SLC14A2: variants seen among roughly 807,000 people sequenced by gnomAD.
SLC14A2 encodes solute carrier family 14 member 2, also known as urea transporter 2.
SLC14A2 carries 91 observed loss-of-function variants against 104.6 expected under a neutral mutation model. That is an observed-to-expected ratio of 0.87 (90% CI 0.73 to 1.04). The LOEUF (loss-of-function observed/expected upper bound fraction) is 1.04. Ranked by LOEUF, SLC14A2 falls within the 50% of genes least tolerant of loss-of-function variation. The pLI is 0.00. For synonymous variants in SLC14A2, 476 were observed against 466.4 expected (o/e 1.02, Z -0.27); for missense variants, 1,189 against 1,156.0 (o/e 1.03, Z -0.41).
chr18:45,405,669 G>A (rs567758052), intron 1 of SLC14A2, among the ~76,000 whole-genome samples: 19 of 152,234 alleles, frequency 1.2e-4, no homozygotes, highest in South Asian at 6.2e-4. Flanking sequence ...TTGGGAGGCC[G>A]AGGCAGGTGG....
intron 1 of SLC14A2, among the ~76,000 whole-genome samples, chr18:45,624,037 C>A (rs1375076790): frequency 4.6e-5 from 7 of 152,092 alleles, no homozygotes; most frequent in Admixed American, 3.9e-4. Flanking sequence ...GGTACGGGGA[C>A]AGGAGCCCCA....
intron 1 of SLC14A2, among the ~76,000 whole-genome samples, chr18:45,244,338 G>A (rs886817095): frequency 6.6e-6 from 1 of 152,120 alleles, no homozygotes; most frequent in Non-Finnish European, 1.5e-5. Context: ...CGGGGGGAGG[G>A]GGGTGGTGCT....
At chr18:45,231,037 C>T (rs2084169313) in intron 1 of SLC14A2, among the ~76,000 whole-genome samples, 1 of 152,118 alleles carries the variant, frequency 6.6e-6, no homozygotes, top group Non-Finnish European at 1.5e-5. Context: ...TTACATTAGC[C>T]TACCAGCCTC....
chr18:45,539,449 G>A (rs565901043), intron 2 of SLC14A2, among the ~76,000 whole-genome samples: 13 of 152,282 alleles, frequency 8.5e-5, no homozygotes, highest in African/African-American at 2.6e-4. Context: ...GAGTTCAAAG[G>A]TCACTGCCCC....
At chr18:45,200,741 G>C in the SLC14A2 span, among the ~76,000 whole-genome samples, 3 of 152,112 alleles carry the variant, frequency 2.0e-5, no homozygotes, top group African/African-American at 7.2e-5. Context: ...GATGCAATAT[G>C]TAGATTTCTT....
At chr18:45,397,535 G>A (rs2086048438) in intron 1 of SLC14A2, among the ~76,000 whole-genome samples, 1 of 152,084 alleles carries the variant, frequency 6.6e-6, no homozygotes. Flanking sequence ...TAGTAAATTT[G>A]TTTAGTTCCT....
At chr18:45,588,189 G>A (rs1370575486) in intron 2 of SLC14A2, among the ~76,000 whole-genome samples, 2 of 152,154 alleles carry the variant, frequency 1.3e-5, no homozygotes, top group African/African-American at 4.8e-5. Flanking sequence ...TGATCACTAG[G>A]GCTCTCTGAA....
chr18:45,173,522 T>G, the SLC14A2 span, among the ~76,000 whole-genome samples: 1 of 149,626 alleles, frequency 6.7e-6, no homozygotes, highest in South Asian at 2.1e-4. Context: ...TGGATGGAAG[T>G]TGGAAGATGA....
intron 1 of SLC14A2, among the ~76,000 whole-genome samples, chr18:45,278,725 T>A (rs2084730227): frequency 6.6e-6 from 1 of 152,162 alleles, no homozygotes; most frequent in Non-Finnish European, 1.5e-5. Context: ...ACAAATACTA[T>A]ATTTTCAATA....
chr18:45,510,087 G>A (rs1414465398), intron 2 of SLC14A2, among the ~76,000 whole-genome samples: 1 of 152,130 alleles, frequency 6.6e-6, no homozygotes, highest in East Asian at 1.9e-4. Flanking sequence ...CTTCTTTGAT[G>A]GACAACTTCA....
intron 1 of SLC14A2, among the ~76,000 whole-genome samples, chr18:45,393,642 T>C (rs976984935): frequency 1.3e-5 from 2 of 152,012 alleles, no homozygotes; most frequent in Non-Finnish European, 2.9e-5. Flanking sequence ...GCACTAGGAG[T>C]GGACCCAGTT....
intron 1 of SLC14A2, among the ~76,000 whole-genome samples, chr18:45,294,107 C>T (rs916353069): frequency 6.6e-6 from 1 of 152,150 alleles, no homozygotes; most frequent in Non-Finnish European, 1.5e-5. Context: ...GGTGAGTTAT[C>T]AAAGGATGCC....
intron 1 of SLC14A2, among the ~76,000 whole-genome samples, chr18:45,428,601 C>G (rs558504795): frequency 1.2e-4 from 19 of 152,232 alleles, no homozygotes; most frequent in Non-Finnish European, 2.4e-4. Context: ...ACATACCCCA[C>G]TAGTTGGTCC....
In SLC14A2 at chr18:45,526,662, T is replaced by C. The variant is rs1598961964; in HGVS notation, c.-35+43340T>C. On this transcript the variant is annotated intron_variant, in intron 2 of 20. Transcript: ENST00000586448. ...GGGTGTATAATATTAGAGAACTGAG[T>C]CATATAGAGGGGGAAGATGGGTAGA... Among the ~76,000 whole-genome samples, 3 of 151,854 alleles carry C rather than the reference T, an allele frequency of 2.0e-5. No individual in the cohort carries two copies. The South Asian group carries it at 6.2e-4, about 32-fold the overall frequency.
intron 10 of SLC14A2, among the ~76,000 whole-genome samples, chr18:45,650,139 C>A (rs1373347667): frequency 2.1e-5 from 3 of 143,238 alleles, no homozygotes; most frequent in Admixed American, 7.2e-5. Flanking sequence ...TGTATTTTGG[C>A]TCTGCTTTGA....
chr18:45,682,177 T>C (rs2046319585), intron 19 of SLC14A2, 142 bp from the exon 20 acceptor site: 3 of 746,572 alleles, frequency 4.0e-6, no homozygotes, highest in Non-Finnish European at 4.7e-6. Context: ...GGCATGATTT[T>C]ATTTATATTG....
intron 1 of SLC14A2, among the ~76,000 whole-genome samples, chr18:45,450,345 C>G (rs1481162394): frequency 6.6e-6 from 1 of 152,152 alleles, no homozygotes; most frequent in Non-Finnish European, 1.5e-5. Flanking sequence ...AGGGAAGGGG[C>G]CTTTGGTTTA....
chr18:45,499,708 T>C lies in SLC14A2; in HGVS notation c.-35+16386T>C, dbSNP rs143347449. Among the ~76,000 whole-genome samples the C allele has an allele frequency of 9.5e-4, 145 of 152,248 alleles. 1 individual carries two copies. Among genetic ancestry groups the C allele is most frequent in the African/African-American group, 3.2e-3 (132 of 41,552 alleles). On this transcript the variant is annotated intron_variant, in intron 2 of 20. Coordinates refer to the SLC14A2 transcript ENST00000586448. Reference sequence around the variant, plus strand: ...TGTTGGGGAAGAGGGGCCAGGAGGGTGTCAACATTGGGTTTTAATCCCATC... The same window carrying C: ...TGTTGGGGAAGAGGGGCCAGGAGGGCGTCAACATTGGGTTTTAATCCCATC...
At chr18:45,205,727 A>C in the SLC14A2 span, among the ~76,000 whole-genome samples, 2 of 152,210 alleles carry the variant, frequency 1.3e-5, no homozygotes, top group Non-Finnish European at 2.9e-5. Flanking sequence ...GATTCTGTGG[A>C]TCCTTCAGAG....
Sources: allele counts gnomAD v4.1 joint callset (sites outside exome capture counted in the v4.1 genomes callset), GRCh38; gene constraint gnomAD v4.1.1; transcripts MANE v1.5; gene names NCBI Gene and HGNC (gene_info 2026-07-23, HGNC 2026-07-21).